The following TOX variants were observed in gnomAD, a reference collection of about 807,000 sequenced individuals.
TOX encodes thymocyte selection associated high mobility group box, also known as thymocyte selection-associated high mobility group box protein TOX.
A neutral mutation model predicts 53.7 loss-of-function variants in TOX; 11 were observed. The observed-to-expected ratio is 0.20, with a 90% CI of 0.13 to 0.34. TOX has a LOEUF of 0.34. Among genes scored for constraint, TOX ranks in the 10% least tolerant of loss-of-function variants. The pLI is 1.00. For synonymous variants in TOX, 225 were observed against 245.3 expected (o/e 0.92, Z 0.77); for missense variants, 570 against 664.6 (o/e 0.86, Z 1.56).
intron 1 of TOX, among the ~76,000 whole-genome samples, chr8:59,038,062 C>T (rs1803502381): frequency 1.3e-5 from 2 of 152,142 alleles, no homozygotes; most frequent in Admixed American, 6.6e-5. Flanking sequence ...AATTTCCTGA[C>T]AGTGACACTA....
chr8:58,972,588 A>C (rs903889355), intron 1 of TOX, among the ~76,000 whole-genome samples: 2 of 152,154 alleles, frequency 1.3e-5, no homozygotes, highest in Non-Finnish European at 2.9e-5. Context: ...TATCCATAAC[A>C]ATCACTCTTT....
At chr8:59,035,033 T>C (rs1411026259) in intron 1 of TOX, among the ~76,000 whole-genome samples, 1 of 152,028 alleles carries the variant, frequency 6.6e-6, no homozygotes, top group Non-Finnish European at 1.5e-5. Context: ...TCCTCCCAGG[T>C]GTGGGCGGAA....
intron 1 of TOX, among the ~76,000 whole-genome samples, chr8:59,072,070 C>T (rs1017069167): frequency 1.3e-5 from 2 of 152,120 alleles, no homozygotes; most frequent in African/African-American, 2.4e-5. Flanking sequence ...CCTTCCTTTT[C>T]CACCAACCTC....
At chr8:58,992,539 C>G (rs1813475383) in intron 1 of TOX, among the ~76,000 whole-genome samples, 1 of 152,118 alleles carries the variant, frequency 6.6e-6, no homozygotes, top group African/African-American at 2.4e-5. Flanking sequence ...GATTCATGGT[C>G]AGCTATACTC....
At chr8:58,959,887 C>T in intron 2 of TOX, 56 bp downstream of exon 2, 1 of 1,575,736 alleles carries the variant, frequency 6.3e-7, no homozygotes, top group Non-Finnish European at 8.7e-7. Context: ...CAATGCAACT[C>T]TTTGAATTTG....
chr8:59,033,033 C>CA (rs34575165), intron 1 of TOX, among the ~76,000 whole-genome samples: 33,623 of 104,476 alleles, frequency 0.32, 4,576 homozygotes, highest in African/African-American at 0.47. Flanking sequence ...AACTCCAACT[C>CA]AAAAAAAAAA....
At chr8:59,034,791 C>T (rs1012145450) in intron 1 of TOX, among the ~76,000 whole-genome samples, 12 of 152,240 alleles carry the variant, frequency 7.9e-5, no homozygotes, top group East Asian at 5.8e-4. Flanking sequence ...AATACCTACA[C>T]GGCTCTCATT....
At chr8:59,063,118 C>G (rs1804017525) in intron 1 of TOX, among the ~76,000 whole-genome samples, 1 of 152,078 alleles carries the variant, frequency 6.6e-6, no homozygotes, top group Non-Finnish European at 1.5e-5. Context: ...TTACAGGGCT[C>G]TAGCTACTGA....
At chr8:58,863,654 C>T (rs1300910169) in intron 3 of TOX, among the ~76,000 whole-genome samples, 10 of 152,090 alleles carry the variant, frequency 6.6e-5, no homozygotes, top group Admixed American at 5.2e-4. Flanking sequence ...GTTGGAAGGA[C>T]TTATAGGGGA....
At chr8:59,092,272 TATA>T (rs1478948809) in intron 1 of TOX, among the ~76,000 whole-genome samples, 1 of 113,284 alleles carries the variant, frequency 8.8e-6, no homozygotes, top group Non-Finnish European at 1.6e-5. Flanking sequence ...ATTTTATATA[TATA>T]TATATATTAT....
chr8:59,027,796 A>T (rs1208590253), intron 1 of TOX, among the ~76,000 whole-genome samples: 7 of 152,238 alleles, frequency 4.6e-5, no homozygotes, highest in African/African-American at 1.7e-4. Flanking sequence ...TACACATATG[A>T]TCCTCATCAA....
chr8:58,861,729 A>G (rs1192809519), intron 3 of TOX, among the ~76,000 whole-genome samples: 1 of 152,228 alleles, frequency 6.6e-6, no homozygotes, highest in Admixed American at 6.5e-5. Flanking sequence ...TCATAGCAGC[A>G]TGAGCTAGCA....
chr8:58,921,456 T>C (rs1284981396), intron 3 of TOX, among the ~76,000 whole-genome samples: 1 of 152,212 alleles, frequency 6.6e-6, no homozygotes, highest in Non-Finnish European at 1.5e-5. Flanking sequence ...TGAAATGTTA[T>C]ACTCCACCAG....
At chr8:58,849,527 A>G (rs933394428) in intron 4 of TOX, among the ~76,000 whole-genome samples, 2 of 152,200 alleles carry the variant, frequency 1.3e-5, no homozygotes, top group South Asian at 4.1e-4. Context: ...AAATTACAAA[A>G]TATGGACCTA....
chr8:59,004,584 C>A (rs28681155), intron 1 of TOX, among the ~76,000 whole-genome samples: 12,270 of 152,216 alleles, frequency 0.081, 618 homozygotes, highest in Middle Eastern at 0.17. Flanking sequence ...TAAATTAAGA[C>A]TAGTAAGAAC....
intron 1 of TOX, among the ~76,000 whole-genome samples, chr8:58,994,430 ATGTG>A (rs1161565162): frequency 1.5e-5 from 2 of 130,706 alleles, no homozygotes; most frequent in Non-Finnish European, 3.4e-5. Flanking sequence ...GCGCGCGCGC[ATGTG>A]TGTGTATTTT....
intron 3 of TOX, among the ~76,000 whole-genome samples, chr8:58,928,719 C>G (rs964358532): frequency 6.6e-6 from 1 of 151,950 alleles, no homozygotes; most frequent in Non-Finnish European, 1.5e-5. Context: ...AATAATACAG[C>G]GTTTTTAGCA....
At chr8:58,894,672 T>A (rs1369271721) in intron 3 of TOX, among the ~76,000 whole-genome samples, 1 of 151,912 alleles carries the variant, frequency 6.6e-6, no homozygotes, top group Admixed American at 6.6e-5. Context: ...CGCGGGTGGA[T>A]CACTTGAGGT....
intron 1 of TOX, among the ~76,000 whole-genome samples, chr8:58,975,243 TATAC>T (rs1813071797): frequency 1.1e-5 from 1 of 88,544 alleles, no homozygotes; most frequent in African/African-American, 3.3e-5. Flanking sequence ...GTGATATATA[TATAC>T]ACACACACAC....
Sources: allele counts gnomAD v4.1 joint callset (sites outside exome capture counted in the v4.1 genomes callset), GRCh38; gene constraint gnomAD v4.1.1; transcripts MANE v1.5; gene names NCBI Gene and HGNC (gene_info 2026-07-23, HGNC 2026-07-21).